Variants in ANK3 observed in about 807,000 individuals in gnomAD.
ANK3 encodes ankyrin 3.
ANK3 carries 57 observed loss-of-function variants against 370.9 expected under a neutral mutation model. That is an observed-to-expected ratio of 0.15 (90% CI 0.12 to 0.19). ANK3 has a LOEUF of 0.19. ANK3 is among the 10% of genes least tolerant of loss of function. The probability of loss-of-function intolerance (pLI) is 1.00; values close to 1 mark genes in which losing one functional copy is unlikely to be tolerated. For missense variants in ANK3, 4,439 were observed against 5,302.1 expected, an observed-to-expected ratio of 0.84 and a Z score of 5.06; for synonymous variants, 1,929 against 1,946.3, an observed-to-expected ratio of 0.99 and a Z score of 0.23.
chr10:60,483,435 C>G (rs1053157274), intron 2 of ANK3, among the ~76,000 whole-genome samples: 22 of 152,118 alleles, frequency 1.4e-4, no homozygotes, highest in Non-Finnish European at 3.1e-4. Flanking sequence ...TAAATAACTA[C>G]TTGTCGTTTT....
chr10:60,034,093 GTTTT>G (rs2074359464), intron 43 of ANK3, among the ~76,000 whole-genome samples: 6 of 125,664 alleles, frequency 4.8e-5, no homozygotes, highest in Non-Finnish European at 6.9e-5. Flanking sequence ...TTTTTTTTTT[GTTTT>G]GTTTTTTGGT....
chr10:60,401,420 A>G (rs2063350211), intron 2 of ANK3, among the ~76,000 whole-genome samples: 1 of 152,250 alleles, frequency 6.6e-6, no homozygotes, highest in Non-Finnish European at 1.5e-5. Flanking sequence ...AAATTTTAAA[A>G]CTGCCACTCA....
chr10:60,262,598 G>T (rs922665803), intron 6 of ANK3, among the ~76,000 whole-genome samples: 1 of 152,164 alleles, frequency 6.6e-6, no homozygotes, highest in Non-Finnish European at 1.5e-5. Context: ...AGTCCCCAAA[G>T]ATTGAAACCT....
At chr10:60,599,787 A>G (rs2078035432) in intron 2 of ANK3, among the ~76,000 whole-genome samples, 1 of 152,170 alleles carries the variant, frequency 6.6e-6, no homozygotes, top group African/African-American at 2.4e-5. Flanking sequence ...GATTAAAGCC[A>G]TCTAGAGATT....
chr10:60,633,547 G>A (rs1241109012), intron 1 of ANK3, among the ~76,000 whole-genome samples: 1 of 152,030 alleles, frequency 6.6e-6, no homozygotes, highest in Non-Finnish European at 1.5e-5. Flanking sequence ...TATATTTAAG[G>A]AAATCTAAAC....
intron 29 of ANK3, among the ~76,000 whole-genome samples, chr10:60,087,533 C>T (rs1441086284): frequency 1.3e-5 from 2 of 152,158 alleles, no homozygotes; most frequent in Non-Finnish European, 2.9e-5. Context: ...CAGTTAACTC[C>T]ATTGGGCAGG....
intron 2 of ANK3, among the ~76,000 whole-genome samples, chr10:60,443,670 A>G (rs1311025432): frequency 6.6e-6 from 1 of 152,212 alleles, no homozygotes; most frequent in African/African-American, 2.4e-5. Context: ...AAAGCCTTTG[A>G]CATTCCAAGG....
At chr10:60,184,577 A>G (rs1299765597) in intron 17 of ANK3, among the ~76,000 whole-genome samples, 1 of 152,198 alleles carries the variant, frequency 6.6e-6, no homozygotes, top group Non-Finnish European at 1.5e-5. Flanking sequence ...TTTACTCAGG[A>G]AAGTGGCCAG....
At chr10:60,429,312 G>T (rs2063961026) in intron 2 of ANK3, among the ~76,000 whole-genome samples, 1 of 151,972 alleles carries the variant, frequency 6.6e-6, no homozygotes, top group African/African-American at 2.4e-5. Flanking sequence ...AAGTCTAGGA[G>T]AAAGTAAGAA....
chr10:60,089,650 T>C (rs895692722), intron 28 of ANK3, among the ~76,000 whole-genome samples: 1 of 152,292 alleles, frequency 6.6e-6, no homozygotes, highest in African/African-American at 2.4e-5. Flanking sequence ...ACGGAGAATT[T>C]ATCTTATATG....
At chr10:60,278,106 C>A (rs1304041011) in intron 4 of ANK3, among the ~76,000 whole-genome samples, 1 of 152,042 alleles carries the variant, frequency 6.6e-6, no homozygotes, top group Non-Finnish European at 1.5e-5. Context: ...CAATGAAAGA[C>A]CATGTAAGAT....
intron 28 of ANK3, among the ~76,000 whole-genome samples, chr10:60,096,613 G>C (rs1009913074): frequency 6.6e-6 from 1 of 152,120 alleles, no homozygotes; most frequent in Non-Finnish European, 1.5e-5. Flanking sequence ...CTCTACCCAG[G>C]TGACTTTTTG....
chr10:60,132,960 A>G (rs2094167826), intron 25 of ANK3, among the ~76,000 whole-genome samples: 1 of 152,118 alleles, frequency 6.6e-6, no homozygotes, highest in African/African-American at 2.4e-5. Context: ...CAAACACTGA[A>G]TAACCACTGT....
In ANK3 at chr10:60,160,992, C is replaced by T. The variant is rs4367899; in HGVS notation, c.2614+5599G>A. Reference sequence around the variant, plus strand: ...TAAGATCTGGAGCAAGACCAGGACACCCACTTTCATCACCTTCATTCAACA... The same window carrying T: ...TAAGATCTGGAGCAAGACCAGGACATCCACTTTCATCACCTTCATTCAACA... On this transcript the variant is annotated intron_variant, in intron 23 of 43. Transcript: ENST00000280772. Among the ~76,000 whole-genome samples, 1,429 of 152,262 alleles carry T rather than the reference C, an allele frequency of 9.4e-3. 15 individuals carry two copies. Among genetic ancestry groups the T allele is most frequent in the Non-Finnish European group, 0.015 (1,002 of 67,996 alleles).
chr10:60,551,053 A>C (rs1042018099), intron 2 of ANK3, among the ~76,000 whole-genome samples: 1 of 152,118 alleles, frequency 6.6e-6, no homozygotes, highest in African/African-American at 2.4e-5. Flanking sequence ...ATATTTTACC[A>C]ATGTCATGAT....
rs966399097 is a variant in ANK3 at position 60,086,895 on chromosome 10, A to T, written c.3541-11T>A. ...TGGAACAGGCTGGGCCTAGAGACAG[A>T]GAAAGGACTTTAAATGAAAGTGACT... On this transcript the variant is annotated splice_polypyrimidine_tract_variant and intron_variant, in intron 29 of 43. Transcript: ENST00000280772. The T allele has an allele frequency of 1.3e-6, 2 of 1,578,466 alleles. No individual in the cohort carries two copies. Among genetic ancestry groups the T allele is most frequent in the Non-Finnish European group, 8.6e-7 (1 of 1,163,258 alleles).
chr10:60,341,913 A>G (rs1263454768), intron 1 of ANK3, among the ~76,000 whole-genome samples: 1 of 152,214 alleles, frequency 6.6e-6, no homozygotes, highest in Non-Finnish European at 1.5e-5. Context: ...TCCCAAAAAA[A>G]AGAAGTATCT....
At chr10:60,088,473 T>G (rs1250408759) in intron 28 of ANK3, 115 bp from the exon 29 acceptor site, 2 of 898,234 alleles carry the variant, frequency 2.2e-6, no homozygotes, top group East Asian at 5.3e-5. Flanking sequence ...TTACCCAGGC[T>G]GAAGTGCAAT....
rs2072497706 is a variant in ANK3, at chr10:60,028,027, T to G, written c.*1819A>C. ...CCAACTTGTAAGAATGGACAATAAA[T>G]GTAAATTAATAAAACAAAACAAAAA... On this transcript the variant is annotated 3_prime_UTR_variant, in exon 44 of 44. Coordinates refer to ENST00000280772, the MANE Select transcript of ANK3 (RefSeq NM_020987.5). 1 of 152,194 alleles carries G rather than the reference T, an allele frequency of 6.6e-6. No homozygotes were observed. The highest frequency in any genetic ancestry group is 1.5e-5 in the Non-Finnish European group (1 of 68,026). 9.4% of individuals were successfully genotyped at this position (152,194 alleles called of 1,614,324 possible). A position where few individuals can be genotyped will look rare whatever the true frequency, so the allele number is the denominator to read the frequency against.
Sources: gnomAD v4.1 joint callset for allele counts (sites outside exome capture counted in the v4.1 genomes callset) on GRCh38, gnomAD v4.1.1 for gene constraint, MANE v1.5 for transcripts, NCBI Gene and HGNC (gene_info 2026-07-23, HGNC 2026-07-21) for gene names.